DEPDC1B: variants seen among roughly 807,000 people sequenced by gnomAD.
The protein encoded by DEPDC1B is DEP domain-containing protein 1B.
A neutral mutation model predicts 66.5 loss-of-function variants in DEPDC1B; 51 were observed. That is an observed-to-expected ratio of 0.77 (90% CI 0.61 to 0.97). The LOEUF is 0.97. Ranked by LOEUF, DEPDC1B falls within the 50% of genes least tolerant of loss-of-function variation. The probability of loss-of-function intolerance (pLI) is 0.00; values close to 1 mark genes in which losing one functional copy is unlikely to be tolerated. For missense variants in DEPDC1B, 552 were observed against 637.1 expected (o/e 0.87, Z 1.44); for synonymous variants, 226 against 223.6 (o/e 1.01, Z -0.10).
chr5:60,645,194 A>C (rs1046100527), intron 4 of DEPDC1B, among the ~76,000 whole-genome samples: 1 of 152,192 alleles, frequency 6.6e-6, no homozygotes, highest in African/African-American at 2.4e-5. Context: ...TGAGGAACAA[A>C]ATTTTGCTGT....
intron 4 of DEPDC1B, 43 bp from the exon 5 acceptor site, chr5:60,644,918 T>C (rs1584059219): frequency 6.9e-7 from 1 of 1,446,978 alleles, no homozygotes; most frequent in South Asian, 1.3e-5. Context: ...GTCTTTAATA[T>C]TATATTTACT....
intron 7 of DEPDC1B, among the ~76,000 whole-genome samples, chr5:60,617,817 C>G (rs1752597262): frequency 1.3e-5 from 2 of 152,310 alleles, no homozygotes; most frequent in Admixed American, 6.5e-5. Context: ...CTCTCCACCC[C>G]AAAGCAACAG....
intron 7 of DEPDC1B, among the ~76,000 whole-genome samples, chr5:60,608,643 G>T (rs984439400): frequency 3.0e-5 from 2 of 65,896 alleles, no homozygotes; most frequent in African/African-American, 3.8e-4. Flanking sequence ...GTACCTCAGG[G>T]CTGTAAAATA....
intron 7 of DEPDC1B, among the ~76,000 whole-genome samples, chr5:60,615,573 C>T (rs954320895): frequency 2.0e-5 from 3 of 152,208 alleles, no homozygotes; most frequent in Non-Finnish European, 2.9e-5. Flanking sequence ...TGAGATCAAA[C>T]TGCAAGGTGG....
intron 2 of DEPDC1B, among the ~76,000 whole-genome samples, chr5:60,650,364 C>T (rs570256973): frequency 3.3e-5 from 5 of 152,246 alleles, no homozygotes; most frequent in East Asian, 3.9e-4. Context: ...CCTCAAGCTC[C>T]GCACTGTTGA....
At chr5:60,644,290 A>T (rs942007258) in intron 5 of DEPDC1B, among the ~76,000 whole-genome samples, 1 of 152,174 alleles carries the variant, frequency 6.6e-6, no homozygotes, top group East Asian at 1.9e-4. Context: ...AATATAAAAA[A>T]TCAAAGCAAT....
At chr5:60,663,114 T>C (rs2111951850) in intron 2 of DEPDC1B, among the ~76,000 whole-genome samples, 1 of 152,130 alleles carries the variant, frequency 6.6e-6, no homozygotes, top group East Asian at 1.9e-4. Context: ...CACCTGAACA[T>C]AGGAAAAGAA....
chr5:60,657,576 C>A (rs1753606928), intron 2 of DEPDC1B, among the ~76,000 whole-genome samples: 1 of 152,104 alleles, frequency 6.6e-6, no homozygotes, highest in Admixed American at 6.6e-5. Flanking sequence ...ATACAAAATT[C>A]TTGGCTGATA....
intron 7 of DEPDC1B, chr5:60,628,181 T>G (rs1013346845): frequency 2.6e-5 from 4 of 152,214 alleles, no homozygotes; most frequent in African/African-American, 9.7e-5. Context: ...ACAGAATTAT[T>G]CAGAATTGTT....
At chr5:60,666,677 A>G (rs1261373032) in intron 2 of DEPDC1B, among the ~76,000 whole-genome samples, 3 of 152,060 alleles carry the variant, frequency 2.0e-5, no homozygotes, top group African/African-American at 4.8e-5. Flanking sequence ...GTAGCAGGGG[A>G]GTGAAGTGGA....
At chr5:60,638,667 G>T in intron 7 of DEPDC1B, 83 bp downstream of exon 7, 1 of 1,385,862 alleles carries the variant, frequency 7.2e-7, no homozygotes, top group Non-Finnish European at 9.8e-7. Flanking sequence ...ATGAGTTTTG[G>T]CTAATGGAAG....
At position 60,664,910 on chromosome 5, in the gene DEPDC1B, C is replaced by G. The variant is rs538463477; in HGVS notation, c.315-17377G>C. On this transcript the variant is annotated intron_variant, in intron 2 of 10. Coordinates refer to ENST00000265036, the MANE Select transcript of DEPDC1B (RefSeq NM_018369.3). ...TTCCAAGGGAACACCTATCAAACAT[C>G]AGGAAGCCATTAGGAAATTATTATT... Among the ~76,000 whole-genome samples the G allele has an allele frequency of 4.6e-5, 7 of 152,244 alleles. No individual in the cohort carries two copies. The South Asian group carries it at 1.5e-3, about 32-fold the overall frequency.
At chr5:60,628,097 G>A (rs1752841888) in intron 7 of DEPDC1B, 1 of 152,126 alleles carries the variant, frequency 6.6e-6, no homozygotes, top group South Asian at 2.1e-4. Flanking sequence ...GGCTTGAAGT[G>A]GAATAAGTGA....
intron 6 of DEPDC1B, among the ~76,000 whole-genome samples, chr5:60,639,743 T>C (rs1217969161): frequency 6.6e-6 from 1 of 152,220 alleles, no homozygotes. Flanking sequence ...AGAGATGAAC[T>C]GGAGCTGCCT....
At chr5:60,661,223 G>T (rs1464270831) in intron 2 of DEPDC1B, among the ~76,000 whole-genome samples, 1 of 152,114 alleles carries the variant, frequency 6.6e-6, no homozygotes, top group Admixed American at 6.5e-5. Context: ...TGGGCACGCT[G>T]GTAAAGGACC....
intron 4 of DEPDC1B, among the ~76,000 whole-genome samples, 178 bp from the exon 5 acceptor site, chr5:60,645,053 T>C (rs1324341541): frequency 2.6e-5 from 4 of 152,214 alleles, no homozygotes; most frequent in South Asian, 2.1e-4. Flanking sequence ...AGATATCCTT[T>C]TGCTATTAAC....
chr5:60,662,719 A>G (rs1753748597), intron 2 of DEPDC1B, among the ~76,000 whole-genome samples: 1 of 152,160 alleles, frequency 6.6e-6, no homozygotes, highest in Non-Finnish European at 1.5e-5. Context: ...TGGAAGGCCC[A>G]CTGCCTCAGG....
intron 7 of DEPDC1B, among the ~76,000 whole-genome samples, chr5:60,608,033 A>G (rs187857056): frequency 6.6e-6 from 1 of 152,254 alleles, no homozygotes; most frequent in African/African-American, 2.4e-5. Context: ...TGAACAGAGG[A>G]GTCACTTGAT....
chr5:60,690,487 T>C (rs1408529120), intron 1 of DEPDC1B, among the ~76,000 whole-genome samples: 2 of 152,260 alleles, frequency 1.3e-5, no homozygotes, highest in Non-Finnish European at 2.9e-5. Context: ...AGGCAACTTT[T>C]ATTGTGTAAC....
Sources: gnomAD v4.1 joint callset for allele counts (sites outside exome capture counted in the v4.1 genomes callset) on GRCh38, gnomAD v4.1.1 for gene constraint, MANE v1.5 for transcripts, NCBI Gene and HGNC (gene_info 2026-07-23, HGNC 2026-07-21) for gene names.